Variants in DCC observed in about 807,000 individuals in gnomAD.
DCC encodes the protein DCC netrin 1 receptor, also known as netrin receptor DCC.
In DCC, 58 loss-of-function variants were observed where a neutral mutation model predicts 172.5. That is an observed-to-expected ratio of 0.34 (90% confidence interval 0.27 to 0.42). DCC has a LOEUF of 0.42. Among genes scored for constraint, DCC ranks in the 10% least tolerant of loss-of-function variants. The pLI is 1.00. For missense variants in DCC, 1,740 were observed against 1,791.0 expected (o/e 0.97, Z 0.51); for synonymous variants, 709 against 644.5 (o/e 1.10, Z -1.52).
At chr18:52,663,143 A>G (rs2035395257) in intron 1 of DCC, among the ~76,000 whole-genome samples, 1 of 152,238 alleles carries the variant, frequency 6.6e-6, no homozygotes, top group African/African-American at 2.4e-5. Flanking sequence ...ACAATTTTCA[A>G]AGTTAGAATT....
chr18:53,084,926 T>G (rs1432789415), intron 7 of DCC, among the ~76,000 whole-genome samples: 1 of 152,224 alleles, frequency 6.6e-6, no homozygotes, highest in Non-Finnish European at 1.5e-5. Flanking sequence ...AAATAGTGAT[T>G]TTTAAAATTA....
chr18:53,011,415 C>T (rs1196327758), intron 5 of DCC, among the ~76,000 whole-genome samples: 1 of 151,504 alleles, frequency 6.6e-6, no homozygotes, highest in Non-Finnish European at 1.5e-5. Flanking sequence ...AAATTCAATA[C>T]TTTATTTTAT....
chr18:53,431,532 G>T (rs1911616597), intron 21 of DCC, among the ~76,000 whole-genome samples: 3 of 151,506 alleles, frequency 2.0e-5, no homozygotes, highest in Non-Finnish European at 4.4e-5. Flanking sequence ...TTATCGCCTA[G>T]GCTGGAGTGC....
At chr18:53,005,146 G>A (rs191453768) in intron 5 of DCC, among the ~76,000 whole-genome samples, 2 of 152,158 alleles carry the variant, frequency 1.3e-5, no homozygotes, top group Non-Finnish European at 2.9e-5. Context: ...CTCTAGAACT[G>A]TAAGAAATAA....
intron 7 of DCC, among the ~76,000 whole-genome samples, chr18:53,138,069 C>G (rs2043773380): frequency 6.6e-6 from 1 of 152,012 alleles, no homozygotes; most frequent in African/African-American, 2.4e-5. Flanking sequence ...CTCAAGTGAT[C>G]AGTCCACCTC....
At chr18:52,895,445 G>C (rs1271898691) in intron 2 of DCC, among the ~76,000 whole-genome samples, 1 of 152,116 alleles carries the variant, frequency 6.6e-6, no homozygotes, top group East Asian at 1.9e-4. Context: ...CAATATGCTC[G>C]TGAAGAGTTG....
intron 1 of DCC, among the ~76,000 whole-genome samples, chr18:52,732,178 C>A (rs1171276613): frequency 6.6e-6 from 1 of 152,070 alleles, no homozygotes; most frequent in Non-Finnish European, 1.5e-5. Flanking sequence ...CCCATACATA[C>A]CCACGAAGTG....
chr18:52,364,231 C>T (rs1429139206), intron 1 of DCC, among the ~76,000 whole-genome samples: 1 of 152,086 alleles, frequency 6.6e-6, no homozygotes, highest in Non-Finnish European at 1.5e-5. Flanking sequence ...GAATAAATTG[C>T]ATATTATGTA....
intron 1 of DCC, among the ~76,000 whole-genome samples, chr18:52,580,604 C>T (rs2033523179): frequency 6.6e-6 from 1 of 152,132 alleles, no homozygotes; most frequent in Non-Finnish European, 1.5e-5. Flanking sequence ...GTTATCTGGT[C>T]ACTTGGAAAT....
intron 25 of DCC, among the ~76,000 whole-genome samples, chr18:53,468,897 G>T (rs902186026): frequency 6.6e-6 from 1 of 152,164 alleles, no homozygotes; most frequent in African/African-American, 2.4e-5. Flanking sequence ...CAGTATTCAT[G>T]CAGATAATCC....
chr18:52,441,470 G>A (rs72920794), intron 1 of DCC, among the ~76,000 whole-genome samples: 4,434 of 152,164 alleles, frequency 0.029, 89 homozygotes, highest in Non-Finnish European at 0.045. Context: ...TTAGTCTGAA[G>A]TACATTATTG....
chr18:53,143,738 T>G (rs1271159131), intron 7 of DCC, among the ~76,000 whole-genome samples: 4 of 152,266 alleles, frequency 2.6e-5, no homozygotes, highest in African/African-American at 4.8e-5. Flanking sequence ...TTAAAATGTT[T>G]CAGGAAGCGT....
chr18:52,683,801 GA>G (rs1568039815), intron 1 of DCC, among the ~76,000 whole-genome samples: 1 of 151,878 alleles, frequency 6.6e-6, no homozygotes, highest in African/African-American at 2.4e-5. Flanking sequence ...AGTCAAGAAA[GA>G]AAAAAAGTCT....
chr18:53,473,054 A>T (rs2045718091), intron 25 of DCC, among the ~76,000 whole-genome samples: 1 of 152,160 alleles, frequency 6.6e-6, no homozygotes, highest in African/African-American at 2.4e-5. Context: ...CAACCTAAGA[A>T]GTTTTATGTA....
intron 8 of DCC, among the ~76,000 whole-genome samples, chr18:53,176,421 C>T (rs1279723123): frequency 3.4e-5 from 5 of 147,100 alleles, no homozygotes. Context: ...ATTTTCACAA[C>T]CTACTCATCT....
intron 5 of DCC, among the ~76,000 whole-genome samples, chr18:52,958,191 T>C (rs1016145605): frequency 2.0e-5 from 3 of 152,166 alleles, no homozygotes; most frequent in African/African-American, 2.4e-5. Context: ...TTCTATTTCT[T>C]CTATCCTTTT....
intron 7 of DCC, among the ~76,000 whole-genome samples, chr18:53,141,973 T>C (rs2043837428): frequency 6.6e-6 from 1 of 152,218 alleles, no homozygotes; most frequent in South Asian, 2.1e-4. Context: ...TTGAATTCCT[T>C]TCCCTAGGCT....
At chr18:53,005,178 C>T (rs1022616610) in intron 5 of DCC, among the ~76,000 whole-genome samples, 1 of 152,144 alleles carries the variant, frequency 6.6e-6, no homozygotes, top group Non-Finnish European at 1.5e-5. Flanking sequence ...GCATAACTTA[C>T]CCAGTCTCAG....
At chr18:52,945,055 A>G (rs1042870219) in intron 5 of DCC, among the ~76,000 whole-genome samples, 5 of 152,166 alleles carry the variant, frequency 3.3e-5, no homozygotes, top group African/African-American at 1.2e-4. Context: ...TGGGATAAAT[A>G]TCATGTTACC....
Sources: gnomAD v4.1 joint callset for allele counts (sites outside exome capture counted in the v4.1 genomes callset) on GRCh38, gnomAD v4.1.1 for gene constraint, MANE v1.5 for transcripts, NCBI Gene and HGNC (gene_info 2026-07-23, HGNC 2026-07-21) for gene names.